The following RPTOR variants were observed in gnomAD, a reference collection of about 807,000 sequenced individuals.
RPTOR encodes regulatory-associated protein of mTOR.
RPTOR carries 21 observed loss-of-function variants against 169.9 expected under a neutral mutation model. That is an observed-to-expected ratio of 0.12 (90% CI 0.09 to 0.18). The LOEUF (loss-of-function observed/expected upper bound fraction) is 0.18, where lower values mean the gene tolerates loss of function less well. RPTOR is among the 10% of genes least tolerant of loss of function. RPTOR has a pLI of 1.00. For missense variants in RPTOR, 1,133 were observed against 1,855.9 expected (o/e 0.61, Z 7.16); for synonymous variants, 732 against 753.2 (o/e 0.97, Z 0.46).
chr17:80,753,847 G>A (rs1169674640), intron 5 of RPTOR, among the ~76,000 whole-genome samples, 163 bp from the exon 6 acceptor site: 1 of 152,024 alleles, frequency 6.6e-6, no homozygotes, highest in Non-Finnish European at 1.5e-5. Flanking sequence ...GTCTGTCTCT[G>A]GAGACAGTTC....
chr17:80,548,084 T>C (rs969427260), intron 1 of RPTOR, among the ~76,000 whole-genome samples: 25 of 146,744 alleles, frequency 1.7e-4, no homozygotes, highest in Middle Eastern at 3.4e-3. Flanking sequence ...GTTTCTTTTT[T>C]TTTTTTTTTT....
At chr17:80,931,988 C>G (rs2068903357) in intron 24 of RPTOR, among the ~76,000 whole-genome samples, 3 of 152,110 alleles carry the variant, frequency 2.0e-5, no homozygotes, top group Admixed American at 2.0e-4. Context: ...AACCCAGGCC[C>G]TGCTTGAAGC....
At chr17:80,665,174 C>T (rs2065754144) in intron 3 of RPTOR, among the ~76,000 whole-genome samples, 1 of 152,112 alleles carries the variant, frequency 6.6e-6, no homozygotes, top group African/African-American at 2.4e-5. Flanking sequence ...TGGGCTTCCT[C>T]TCCATTATCC....
chr17:80,746,876 G>A lies in RPTOR; in HGVS notation c.655-7134G>A, dbSNP rs999549498. Among the ~76,000 whole-genome samples, 3 of 149,292 alleles carry A rather than the reference G, an allele frequency of 2.0e-5. No homozygotes were observed. The highest frequency in any genetic ancestry group is 3.0e-5 in the Non-Finnish European group (2 of 67,284). Reference sequence around the variant, plus strand: ...CCTTGGGTTAGCAATCCTGAAGAACGTTCATTGGCAGAACCCTTTGGCTTG... The same window carrying A: ...CCTTGGGTTAGCAATCCTGAAGAACATTCATTGGCAGAACCCTTTGGCTTG... On this transcript the variant is annotated intron_variant, in intron 5 of 33. Transcript: ENST00000306801. The surrounding 1 kb of genome is among the most constrained non-coding windows in gnomAD (Gnocchi z 4.5).
chr17:80,644,676 T>C (rs1451066177), intron 3 of RPTOR, among the ~76,000 whole-genome samples: 1 of 152,166 alleles, frequency 6.6e-6, no homozygotes, highest in African/African-American at 2.4e-5. Context: ...TGAACACTTA[T>C]TTGGTTGGAA....
chr17:80,894,784 G>T (rs1325143518), intron 20 of RPTOR, among the ~76,000 whole-genome samples: 2 of 151,488 alleles, frequency 1.3e-5, no homozygotes, highest in Non-Finnish European at 2.9e-5. Context: ...TGTGTGTGTT[G>T]TGTTCCCAGC....
At chr17:80,792,050 C>G (rs954013684) in intron 7 of RPTOR, among the ~76,000 whole-genome samples, 2 of 152,138 alleles carry the variant, frequency 1.3e-5, no homozygotes, top group South Asian at 4.1e-4. Flanking sequence ...GTCCCATTGG[C>G]CAACCCGTCT....
At chr17:80,813,096 G>T (rs80242566) in intron 7 of RPTOR, among the ~76,000 whole-genome samples, 4 of 152,160 alleles carry the variant, frequency 2.6e-5, no homozygotes, top group Non-Finnish European at 4.4e-5. Flanking sequence ...GACCAATATC[G>T]TGTATTATAA....
At chr17:80,661,443 G>A (rs1301709296) in intron 3 of RPTOR, among the ~76,000 whole-genome samples, 1 of 152,154 alleles carries the variant, frequency 6.6e-6, no homozygotes, top group African/African-American at 2.4e-5. Context: ...CACTCTCCTT[G>A]CTCCTAGCAG....
chr17:80,625,516 G>A (rs910802263), intron 1 of RPTOR, among the ~76,000 whole-genome samples, 175 bp from the exon 2 acceptor site: 6 of 152,218 alleles, frequency 3.9e-5, no homozygotes, highest in African/African-American at 1.2e-4. Context: ...CTTCAAAGAA[G>A]GGCGTTACTC....
intron 7 of RPTOR, among the ~76,000 whole-genome samples, chr17:80,811,442 A>G (rs2067270764): frequency 6.6e-6 from 1 of 152,196 alleles, no homozygotes; most frequent in Admixed American, 6.5e-5. Flanking sequence ...TGGTCATGGT[A>G]TATTACCCTT....
In RPTOR at chr17:80,947,603, C is replaced by T. The variant is rs552480981; in HGVS notation, c.3265+252C>T. On this transcript the variant is annotated intron_variant, in intron 27 of 33. Transcript: ENST00000306801. The surrounding 1 kb of genome is among the most constrained non-coding windows in gnomAD (Gnocchi z 4.4). ...TCTCATCTCAGTCCTCTAGCCCTTCCAGCACCAGGAAAAGCCTCTGACAGC... is the reference window on the plus strand; with the variant it reads ...TCTCATCTCAGTCCTCTAGCCCTTCTAGCACCAGGAAAAGCCTCTGACAGC... 4.6e-5 allele frequency among the ~76,000 whole-genome samples: 7 copies of T among 152,300 alleles called. No individual in the cohort carries two copies. The highest frequency in any genetic ancestry group is 1.3e-4 in the Admixed American group (2 of 15,300).
intron 5 of RPTOR, among the ~76,000 whole-genome samples, chr17:80,744,125 A>T (rs1278055072): frequency 2.0e-4 from 16 of 80,848 alleles, no homozygotes; most frequent in South Asian, 4.1e-4. Flanking sequence ...TTACTAGCAC[A>T]GCCCTGGCTA....
chr17:80,882,477 G>A (rs188934788), intron 14 of RPTOR, among the ~76,000 whole-genome samples: 2 of 152,342 alleles, frequency 1.3e-5, no homozygotes, highest in East Asian at 1.9e-4. Context: ...CATCAGCAGC[G>A]GCTCTCGGCC....
intron 6 of RPTOR, among the ~76,000 whole-genome samples, chr17:80,781,374 A>G (rs2066940391): frequency 6.6e-6 from 1 of 152,118 alleles, no homozygotes; most frequent in Non-Finnish European, 1.5e-5. Flanking sequence ...CCCCAAGACA[A>G]CACTTCCTCC....
chr17:80,546,722 T>C (rs2084279492), intron 1 of RPTOR, among the ~76,000 whole-genome samples: 1 of 152,242 alleles, frequency 6.6e-6, no homozygotes, highest in Admixed American at 6.5e-5. Context: ...TTATGGAATA[T>C]TATTGTTTTT....
intron 20 of RPTOR, among the ~76,000 whole-genome samples, chr17:80,905,539 T>G (rs2068530080): frequency 6.7e-6 from 1 of 148,808 alleles, no homozygotes; most frequent in Non-Finnish European, 1.5e-5. Flanking sequence ...GAGCTTGCAG[T>G]GAGCCGGGAT....
At chr17:80,788,720 C>T (rs560181257) in intron 6 of RPTOR, among the ~76,000 whole-genome samples, 9 of 152,102 alleles carry the variant, frequency 5.9e-5, no homozygotes, top group Non-Finnish European at 1.0e-4. Flanking sequence ...CAGAATGTGA[C>T]GATTAAAAAA....
intron 3 of RPTOR, among the ~76,000 whole-genome samples, chr17:80,644,308 T>A (rs992025415): frequency 1.5e-4 from 2 of 13,450 alleles, no homozygotes; most frequent in Non-Finnish European, 1.6e-4. Context: ...AGTGTGTGGG[T>A]TTTTTTTTTT....
Sources: allele counts gnomAD v4.1 joint callset (sites outside exome capture counted in the v4.1 genomes callset), GRCh38; gene constraint gnomAD v4.1.1; non-coding constraint Gnocchi (gnomAD v3.1); transcripts MANE v1.5; gene names NCBI Gene and HGNC (gene_info 2026-07-23, HGNC 2026-07-21).